Variants in NAV3 observed in about 807,000 individuals in gnomAD.
The protein encoded by NAV3 is pore membrane and/or filament interacting like protein 1.
NAV3 carries 87 observed loss-of-function variants against 244.7 expected under a neutral mutation model. That is an observed-to-expected ratio of 0.36 (90% CI 0.30 to 0.42). The LOEUF (loss-of-function observed/expected upper bound fraction) is 0.42, where lower values mean the gene tolerates loss of function less well. NAV3 is among the 20% of genes least tolerant of loss of function. The probability of loss-of-function intolerance (pLI) is 1.00; values close to 1 mark genes in which losing one functional copy is unlikely to be tolerated. For synonymous variants in NAV3, 1,126 were observed against 1,042.2 expected, an observed-to-expected ratio of 1.08 and a Z score of -1.55; for missense variants, 2,663 against 2,893.3, an observed-to-expected ratio of 0.92 and a Z score of 1.83.
At chr12:77,699,276 T>G (rs930390334) in intron 2 of NAV3, among the ~76,000 whole-genome samples, 15 of 152,150 alleles carry the variant, frequency 9.9e-5, no homozygotes, top group African/African-American at 3.6e-4. Flanking sequence ...AACAGACGTT[T>G]GTGCGTTATT....
intron 23 of NAV3, among the ~76,000 whole-genome samples, chr12:78,166,538 G>T (rs551386281): frequency 6.6e-6 from 1 of 151,684 alleles, no homozygotes; most frequent in South Asian, 2.1e-4. Context: ...ATTCTCCCAA[G>T]TTATATAGCA....
rs2138810053 is a variant in NAV3 at position 78,127,192 on chromosome 12, C to T, written c.4264C>T (p.Pro1422Ser). Residue 1422 changes from proline (P) to serine (S), a missense_variant, in exon 17 of 40, where the codon CCC becomes TCC. Pro to Ser is a moderately conservative substitution (Grantham distance 74). Around this residue, in one of 6 missense-constraint regions of NAV3, gnomAD observed 354 missense variants for 413.0 expected, o/e 0.86. Coordinates refer to ENST00000397909, the MANE Select transcript of NAV3 (RefSeq NM_001024383.2). Reference sequence around the variant, plus strand: ...CATGCAGCTTGACAGAAATACACTACCCAAAAAGGGACTAAGGTATATATT... The same window carrying T: ...CATGCAGCTTGACAGAAATACACTATCCAAAAAGGGACTAAGGTATATATT... ...ESMQLDRNTLPKKGLRYTPSS... is the reference protein window; with the variant it reads ...ESMQLDRNTLSKKGLRYTPSS... 3 of 1,613,470 alleles carry T rather than the reference C, an allele frequency of 1.9e-6. No homozygotes were observed. The highest frequency in any genetic ancestry group is 2.5e-6 in the Non-Finnish European group (3 of 1,179,618).
chr12:78,089,405 T>A (rs1342121814), intron 12 of NAV3, among the ~76,000 whole-genome samples: 1 of 152,188 alleles, frequency 6.6e-6, no homozygotes, highest in African/African-American at 2.4e-5. Flanking sequence ...CACAGCACTT[T>A]GCTTTGTTTA....
chr12:77,980,619 T>A (rs1369090915), intron 5 of NAV3, among the ~76,000 whole-genome samples: 1 of 152,204 alleles, frequency 6.6e-6, no homozygotes, highest in Non-Finnish European at 1.5e-5. Context: ...AGTTCCAATT[T>A]TTTTAAGGTG....
intron 30 of NAV3, among the ~76,000 whole-genome samples, chr12:78,183,136 G>A (rs984687981): frequency 6.6e-6 from 1 of 151,830 alleles, no homozygotes; most frequent in Admixed American, 6.6e-5. Context: ...ATAGACAGAG[G>A]ACCATGACTT....
chr12:77,674,629 A>G (rs1255613793), intron 2 of NAV3, among the ~76,000 whole-genome samples: 3 of 152,254 alleles, frequency 2.0e-5, no homozygotes, highest in East Asian at 3.9e-4. Context: ...AGCCCATGCA[A>G]TCCACCCACC....
At chr12:78,011,437 A>C (rs766952938) in intron 8 of NAV3, among the ~76,000 whole-genome samples, 11 of 152,192 alleles carry the variant, frequency 7.2e-5, no homozygotes, top group Non-Finnish European at 1.3e-4. Flanking sequence ...TGCAACATAC[A>C]CAATTAATGT....
intron 8 of NAV3, among the ~76,000 whole-genome samples, chr12:78,013,048 G>A (rs1201703860): frequency 6.6e-6 from 1 of 152,060 alleles, no homozygotes; most frequent in Non-Finnish European, 1.5e-5. Context: ...AAATTCTGAA[G>A]TCTCTCACTT....
intron 2 of NAV3, among the ~76,000 whole-genome samples, chr12:77,636,293 T>C (rs12227148): frequency 0.23 from 34,945 of 151,566 alleles, 4,444 homozygotes; most frequent in African/African-American, 0.33. Context: ...AGCAAAACCC[T>C]GGCTCTACCA....
chr12:77,967,932 A>G (rs1775306817), intron 4 of NAV3, among the ~76,000 whole-genome samples: 3 of 152,294 alleles, frequency 2.0e-5, no homozygotes, highest in African/African-American at 7.2e-5. Flanking sequence ...ATACCTACAC[A>G]TACATTTTGA....
At chr12:78,036,957 TC>T in intron 9 of NAV3, 1 of 702,946 alleles carries the variant, frequency 1.4e-6, no homozygotes, top group Non-Finnish European at 2.6e-6. Context: ...GACCAATCTT[TC>T]CCTCACCAGT....
intron 2 of NAV3, among the ~76,000 whole-genome samples, chr12:77,802,357 T>C (rs1414198763): frequency 6.6e-6 from 1 of 152,212 alleles, no homozygotes; most frequent in Non-Finnish European, 1.5e-5. Context: ...TATAGTTGAT[T>C]CTAGGAGACA....
At chr12:77,709,277 A>T (rs908652739) in intron 2 of NAV3, among the ~76,000 whole-genome samples, 1 of 152,210 alleles carries the variant, frequency 6.6e-6, no homozygotes, top group African/African-American at 2.4e-5. Context: ...AACTCTCAAT[A>T]AATTAGGTAT....
At chr12:77,945,428 A>G (rs1890246297) in intron 3 of NAV3, among the ~76,000 whole-genome samples, 1 of 152,192 alleles carries the variant, frequency 6.6e-6, no homozygotes, top group African/African-American at 2.4e-5. Context: ...TATAAACACA[A>G]ATCTCTACAT....
chr12:78,084,917 T>A (rs964758934), intron 12 of NAV3, among the ~76,000 whole-genome samples: 2 of 152,274 alleles, frequency 1.3e-5, no homozygotes, highest in East Asian at 3.9e-4. Flanking sequence ...TGTAAAATTA[T>A]TTATGATGTT....
At chr12:78,042,832 C>A (rs1345748859) in intron 9 of NAV3, among the ~76,000 whole-genome samples, 1 of 152,004 alleles carries the variant, frequency 6.6e-6, no homozygotes, top group Non-Finnish European at 1.5e-5. Flanking sequence ...CTAGTTTATT[C>A]CCCAGATTCC....
intron 2 of NAV3, among the ~76,000 whole-genome samples, chr12:77,640,338 GAGA>G (rs1376922219): frequency 6.6e-6 from 1 of 152,026 alleles, no homozygotes; most frequent in Non-Finnish European, 1.5e-5. Context: ...TCATTTTGCA[GAGA>G]AGAACTAAAT....
At chr12:78,095,799 C>T (rs1333948965) in intron 12 of NAV3, among the ~76,000 whole-genome samples, 1 of 152,136 alleles carries the variant, frequency 6.6e-6, no homozygotes, top group African/African-American at 2.4e-5. Flanking sequence ...CATGATAGTA[C>T]TCAGAATGAA....
chr12:77,681,830 T>C (rs2137117627), intron 2 of NAV3, among the ~76,000 whole-genome samples: 1 of 152,358 alleles, frequency 6.6e-6, no homozygotes, highest in South Asian at 2.1e-4. Flanking sequence ...AATTTCTGGC[T>C]TTATAGAATG....
Sources: allele counts gnomAD v4.1 joint callset (sites outside exome capture counted in the v4.1 genomes callset), GRCh38; gene constraint gnomAD v4.1.1; regional missense constraint gnomAD v4.1.1; transcripts MANE v1.5; gene names NCBI Gene and HGNC (gene_info 2026-07-23, HGNC 2026-07-21).